CAMTA1: variants seen among roughly 807,000 people sequenced by gnomAD.
CAMTA1 encodes the protein calmodulin-binding transcription activator 1.
A neutral mutation model predicts 170.9 loss-of-function variants in CAMTA1; 27 were observed. That is an observed-to-expected ratio of 0.16 (90% CI 0.12 to 0.22). The LOEUF (loss-of-function observed/expected upper bound fraction) is 0.22. CAMTA1 is among the 10% of genes least tolerant of loss of function. CAMTA1 has a pLI of 1.00. For missense variants in CAMTA1, 1,619 were observed against 2,217.2 expected, an observed-to-expected ratio of 0.73 and a Z score of 5.42; for synonymous variants, 833 against 891.5, an observed-to-expected ratio of 0.93 and a Z score of 1.17.
At chr1:7,255,849 T>TA (rs1419559744) in intron 5 of CAMTA1, among the ~76,000 whole-genome samples, 1 of 152,214 alleles carries the variant, frequency 6.6e-6, no homozygotes, top group African/African-American at 2.4e-5. Context: ...TCCTGGCAGA[T>TA]ACGTTTATCC....
At chr1:7,398,185 C>CATATATATATA (rs2089532457) in intron 5 of CAMTA1, among the ~76,000 whole-genome samples, 1 of 46,542 alleles carries the variant, frequency 2.1e-5, no homozygotes, top group African/African-American at 8.7e-5. Flanking sequence ...CTCTCTCTCT[C>CATATATATATA]TCTCTCTCTA....
At position 7,319,432 on chromosome 1, in the gene CAMTA1, G is replaced by A. The variant is rs116307586; in HGVS notation, c.438+69806G>A. On this transcript the variant is annotated intron_variant, in intron 5 of 22. Transcript: ENST00000303635. ...TCTCCACCCCGCTTCCTCCTGCCCCGGCCATGTGAAATGCCTGTTCCTGCT... is the reference window on the plus strand; with the variant it reads ...TCTCCACCCCGCTTCCTCCTGCCCCAGCCATGTGAAATGCCTGTTCCTGCT... 3.4e-3 allele frequency among the ~76,000 whole-genome samples: 510 copies of A among 152,140 alleles called. 4 individuals carry two copies. Among genetic ancestry groups the A allele is most frequent in the African/African-American group, 9.6e-3 (398 of 41,486 alleles).
chr1:7,603,707 G>T (rs1031124840), intron 6 of CAMTA1, among the ~76,000 whole-genome samples: 1 of 152,118 alleles, frequency 6.6e-6, no homozygotes, highest in Non-Finnish European at 1.5e-5. Context: ...TATTATGTGT[G>T]AATTTGATCC....
chr1:7,666,579 C>T (rs1266663486), intron 9 of CAMTA1, among the ~76,000 whole-genome samples: 3 of 152,354 alleles, frequency 2.0e-5, no homozygotes, highest in East Asian at 1.9e-4. Context: ...CAGACAAGCA[C>T]GTGCATCCTG....
intron 4 of CAMTA1, among the ~76,000 whole-genome samples, chr1:7,247,275 C>T (rs541657800): frequency 6.6e-6 from 1 of 152,296 alleles, no homozygotes; most frequent in South Asian, 2.1e-4. Flanking sequence ...GGGCGGGTCA[C>T]CAGAGGAAGG....
intron 3 of CAMTA1, among the ~76,000 whole-genome samples, chr1:6,900,390 C>T (rs1676672434): frequency 6.6e-6 from 1 of 151,460 alleles, no homozygotes; most frequent in Non-Finnish European, 1.5e-5. Context: ...GAAGTAAAAA[C>T]TCTGAGGTCA....
intron 6 of CAMTA1, among the ~76,000 whole-genome samples, chr1:7,497,622 T>A (rs1477833119): frequency 6.6e-6 from 1 of 152,214 alleles, no homozygotes; most frequent in East Asian, 1.9e-4. Context: ...CCATTTGTGC[T>A]TCTTGTACTC....
At chr1:6,964,938 G>A (rs992841463) in intron 3 of CAMTA1, among the ~76,000 whole-genome samples, 2 of 152,136 alleles carry the variant, frequency 1.3e-5, no homozygotes, top group African/African-American at 2.4e-5. Flanking sequence ...AGGCCGGGTC[G>A]GCTGGGAAAG....
intron 6 of CAMTA1, among the ~76,000 whole-genome samples, chr1:7,524,858 C>T (rs1048324874): frequency 1.2e-4 from 19 of 152,098 alleles, no homozygotes; most frequent in African/African-American, 4.6e-4. Context: ...TCTACCCCAC[C>T]GATCCCTCTC....
rs1387897537 is a variant in CAMTA1 at position 7,034,895 on chromosome 1, G to GA, written c.235-56407dup. Among the ~76,000 whole-genome samples, 8 of 152,212 alleles carry GA rather than the reference G, an allele frequency of 5.3e-5. No homozygotes were observed. The Middle Eastern group carries it at 0.02, about 388-fold the overall frequency. ...GCCCTGCCAAATACCTGCATCTAAA[G>GA]AACCATAGTTTTAAAAAAAATCAGT... On this transcript the variant is annotated intron_variant, in intron 3 of 22. Coordinates refer to ENST00000303635, the MANE Select transcript of CAMTA1 (RefSeq NM_015215.4).
At chr1:7,303,818 G>C (rs1313837110) in intron 5 of CAMTA1, among the ~76,000 whole-genome samples, 1 of 152,210 alleles carries the variant, frequency 6.6e-6, no homozygotes, top group African/African-American at 2.4e-5. Context: ...GACTGGAGAG[G>C]AAAGAGCTGA....
chr1:7,651,790 A>G (rs1480249976), intron 7 of CAMTA1, among the ~76,000 whole-genome samples: 1 of 152,266 alleles, frequency 6.6e-6, no homozygotes, highest in African/African-American at 2.4e-5. Context: ...TTCTAAGATC[A>G]CACAGTGCAT....
At chr1:7,601,836 C>A (rs1310699042) in intron 6 of CAMTA1, among the ~76,000 whole-genome samples, 1 of 152,058 alleles carries the variant, frequency 6.6e-6, no homozygotes, top group East Asian at 1.9e-4. Flanking sequence ...AGGCACTCGG[C>A]AGGCTGAGGC....
intron 5 of CAMTA1, among the ~76,000 whole-genome samples, chr1:7,460,196 C>T (rs1358353805): frequency 6.6e-6 from 1 of 152,242 alleles, no homozygotes; most frequent in Non-Finnish European, 1.5e-5. Flanking sequence ...GCCGTCCTCT[C>T]CCGTGGCGGC....
intron 3 of CAMTA1, among the ~76,000 whole-genome samples, chr1:7,074,242 C>G (rs1639017401): frequency 6.6e-6 from 1 of 152,234 alleles, no homozygotes; most frequent in Admixed American, 6.5e-5. Context: ...GGTGGCTTAT[C>G]TGTATGGCTG....
intron 4 of CAMTA1, among the ~76,000 whole-genome samples, chr1:7,097,461 A>T (rs1045289480): frequency 6.6e-6 from 1 of 152,134 alleles, no homozygotes; most frequent in African/African-American, 2.4e-5. Flanking sequence ...CTAGAAAGTC[A>T]GTGTTATCAG....
At chr1:7,414,594 C>T (rs1451005871) in intron 5 of CAMTA1, among the ~76,000 whole-genome samples, 2 of 152,186 alleles carry the variant, frequency 1.3e-5, no homozygotes, top group African/African-American at 2.4e-5. Context: ...TCTGTGGGAT[C>T]GGTGGTGATA....
chr1:6,882,720 G>C (rs746965696), intron 3 of CAMTA1, among the ~76,000 whole-genome samples: 1 of 151,982 alleles, frequency 6.6e-6, no homozygotes, highest in Non-Finnish European at 1.5e-5. Flanking sequence ...GATTTTGAGT[G>C]TTTTCAGCAT....
intron 11 of CAMTA1, among the ~76,000 whole-genome samples, chr1:7,703,752 G>A (rs2096468379): frequency 6.6e-6 from 1 of 152,190 alleles, no homozygotes; most frequent in Non-Finnish European, 1.5e-5. Flanking sequence ...CTTGGGGTCA[G>A]GCACTTTCTC....
Sources: allele counts gnomAD v4.1 joint callset (sites outside exome capture counted in the v4.1 genomes callset), GRCh38; gene constraint gnomAD v4.1.1; transcripts MANE v1.5; gene names NCBI Gene and HGNC (gene_info 2026-07-23, HGNC 2026-07-21).